The following SYT17 variants were observed in gnomAD, a reference collection of about 807,000 sequenced individuals.
SYT17 encodes the protein synaptotagmin-17.
SYT17 carries 22 observed loss-of-function variants against 46.7 expected under a neutral mutation model. The ratio of observed to expected loss-of-function variants is 0.47; its 90% CI spans 0.34 to 0.67. The LOEUF (loss-of-function observed/expected upper bound fraction) is 0.67. Among genes scored for constraint, SYT17 ranks in the 30% least tolerant of loss-of-function variants. The pLI, the probability that SYT17 is intolerant of heterozygous loss-of-function variation, is 0.01. For synonymous variants in SYT17, 251 were observed against 248.4 expected (o/e 1.01, Z -0.10); for missense variants, 519 against 612.8 (o/e 0.85, Z 1.62).
Position 19,197,373 on chromosome 16 carries a change from GT to G in SYT17, c.951+13233del, listed in dbSNP as rs1454804720. On this transcript the variant is annotated intron_variant, in intron 5 of 7. Coordinates refer to ENST00000355377, the MANE Select transcript of SYT17 (RefSeq NM_016524.4). The stretch of plus-strand genomic sequence containing the variant: ...TGCACTTTTTTGTTTGTTTTGATTT[GT>G]TTTTTTAGAGACAGGGCCTCTAAAG... Among the ~76,000 whole-genome samples the G allele has an allele frequency of 2.6e-5, 4 of 151,872 alleles. No homozygotes were observed. In the East Asian group the frequency reaches 7.7e-4, roughly 29 times the overall value.
chr16:19,186,409 G>C (rs889455653), intron 5 of SYT17, among the ~76,000 whole-genome samples: 1 of 152,200 alleles, frequency 6.6e-6, no homozygotes, highest in South Asian at 2.1e-4. Context: ...GCTCGAGCCC[G>C]GGAGTTTGAG....
chr16:19,224,399 T>A (rs986973061), intron 6 of SYT17, among the ~76,000 whole-genome samples: 19 of 152,022 alleles, frequency 1.2e-4, no homozygotes, highest in African/African-American at 4.6e-4. Flanking sequence ...GGATGGATGG[T>A]TGAACTGTCA....
intron 7 of SYT17, among the ~76,000 whole-genome samples, chr16:19,258,602 A>C (rs2239983): frequency 0.12 from 17,762 of 152,070 alleles, 2,260 homozygotes; most frequent in East Asian, 0.35. Flanking sequence ...AGATCATACC[A>C]CTGCACTCCA....
chr16:19,253,868 C>G (rs559735122), intron 7 of SYT17, among the ~76,000 whole-genome samples: 1 of 152,220 alleles, frequency 6.6e-6, no homozygotes, highest in East Asian at 1.9e-4. Flanking sequence ...ACTAGGATTA[C>G]AGGCGCCTGC....
chr16:19,173,905 C>G (rs1964210014), intron 3 of SYT17, among the ~76,000 whole-genome samples: 1 of 152,160 alleles, frequency 6.6e-6, no homozygotes, highest in Non-Finnish European at 1.5e-5. Context: ...AAAAGGAGAT[C>G]TGTGAGCCGA....
intron 7 of SYT17, among the ~76,000 whole-genome samples, chr16:19,258,109 C>G (rs759792686): frequency 1.1e-4 from 16 of 152,098 alleles, no homozygotes; most frequent in Non-Finnish European, 2.1e-4. Context: ...CAGCAAATAT[C>G]AACAGGTGAA....
intron 7 of SYT17, among the ~76,000 whole-genome samples, chr16:19,254,260 A>G (rs1968400703): frequency 2.6e-5 from 4 of 152,178 alleles, no homozygotes; most frequent in African/African-American, 4.8e-5. Context: ...AAACCTGCAC[A>G]GTTATGATCA....
chr16:19,204,416 C>T (rs549622613), intron 5 of SYT17, among the ~76,000 whole-genome samples: 17 of 152,076 alleles, frequency 1.1e-4, no homozygotes, highest in Admixed American at 3.9e-4. Flanking sequence ...GGAAACGACA[C>T]GAGGGCAGAG....
intron 5 of SYT17, among the ~76,000 whole-genome samples, chr16:19,191,943 C>A (rs1965038040): frequency 6.6e-6 from 1 of 152,128 alleles, no homozygotes; most frequent in Non-Finnish European, 1.5e-5. Flanking sequence ...CGCCACCACA[C>A]CCAGTTAATT....
At chr16:19,237,829 A>G (rs935318734) in intron 7 of SYT17, among the ~76,000 whole-genome samples, 3 of 152,198 alleles carry the variant, frequency 2.0e-5, no homozygotes, top group Non-Finnish European at 4.4e-5. Context: ...ACCACTTTGA[A>G]TAGCTAGGAG....
chr16:19,211,437 C>G (rs1479327718), intron 5 of SYT17: 2 of 703,748 alleles, frequency 2.8e-6, no homozygotes, highest in Admixed American at 4.0e-5. Context: ...CTTTCTTTGC[C>G]TTTATGGAGA....
At chr16:19,191,933 C>T (rs529452237) in intron 5 of SYT17, among the ~76,000 whole-genome samples, 4 of 152,104 alleles carry the variant, frequency 2.6e-5, no homozygotes, top group Non-Finnish European at 5.9e-5. Flanking sequence ...TACAGGCGCC[C>T]GCCACCACAC....
At chr16:19,175,578 A>G (rs1964281159) in intron 3 of SYT17, among the ~76,000 whole-genome samples, 1 of 151,454 alleles carries the variant, frequency 6.6e-6, no homozygotes, top group South Asian at 2.1e-4. Flanking sequence ...TTGAGCCTGG[A>G]AAGTCAGGGC....
intron 3 of SYT17, among the ~76,000 whole-genome samples, chr16:19,178,356 A>C (rs1964405549): frequency 6.6e-6 from 1 of 151,978 alleles, no homozygotes; most frequent in Non-Finnish European, 1.5e-5. Context: ...AAATGCTGGG[A>C]TTACAGACGT....
chr16:19,184,186 T>C (rs753558200), intron 5 of SYT17, 39 bp downstream of exon 5: 1 of 1,546,942 alleles, frequency 6.5e-7, no homozygotes, highest in Non-Finnish European at 8.7e-7. Flanking sequence ...CTGGGAGCTT[T>C]TTTAAAAAGT....
At chr16:19,173,005 ATC>A (rs1335427666) in intron 2 of SYT17, 13 of 598,864 alleles carry the variant, frequency 2.2e-5, no homozygotes, top group Non-Finnish European at 3.5e-5. Context: ...CCGTTTGATT[ATC>A]TCTGTCTGTT....
At chr16:19,240,325 A>G (rs893938780) in intron 7 of SYT17, among the ~76,000 whole-genome samples, 3 of 150,824 alleles carry the variant, frequency 2.0e-5, no homozygotes, top group African/African-American at 7.4e-5. Flanking sequence ...GAGCAATACA[A>G]CAGCTCAGAG....
intron 3 of SYT17, chr16:19,180,101 G>A (rs555996740): frequency 6.7e-5 from 21 of 312,370 alleles, no homozygotes; most frequent in Admixed American, 6.1e-4. Flanking sequence ...CCCACGTGGC[G>A]ACAGCTTAAC....
At chr16:19,173,702 TGA>T (rs1964200724) in intron 3 of SYT17, 124 bp downstream of exon 3, 13 of 1,133,634 alleles carry the variant, frequency 1.1e-5, no homozygotes, top group African/African-American at 1.6e-5. Context: ...AGAAGCAGGC[TGA>T]GTTTCCAGGG....
Sources: gnomAD v4.1 joint callset for allele counts (sites outside exome capture counted in the v4.1 genomes callset) on GRCh38, gnomAD v4.1.1 for gene constraint, MANE v1.5 for transcripts, NCBI Gene and HGNC (gene_info 2026-07-23, HGNC 2026-07-21) for gene names.